Variants in ATE1 observed in about 807,000 individuals in gnomAD.
ATE1 encodes arginyltransferase 1, also known as arginyl-tRNA--protein transferase 1.
ATE1 carries 36 observed loss-of-function variants against 70.5 expected under a neutral mutation model. The ratio of observed to expected loss-of-function variants is 0.51; its 90% CI spans 0.39 to 0.67. The LOEUF is 0.67. Among genes scored for constraint, ATE1 ranks in the 30% least tolerant of loss-of-function variants. ATE1 has a pLI of 0.00. For synonymous variants in ATE1, 232 were observed against 219.3 expected (o/e 1.06, Z -0.51); for missense variants, 593 against 629.5 (o/e 0.94, Z 0.62).
intron 10 of ATE1, among the ~76,000 whole-genome samples, chr10:121,798,198 A>C (rs1946734265): frequency 1.3e-5 from 2 of 152,226 alleles, no homozygotes; most frequent in South Asian, 4.1e-4. Context: ...AATAGTTCTC[A>C]ACCTTTGGGA....
chr10:121,756,208 C>T (rs1944793876), intron 11 of ATE1, among the ~76,000 whole-genome samples: 1 of 152,226 alleles, frequency 6.6e-6, no homozygotes, highest in Non-Finnish European at 1.5e-5. Flanking sequence ...AAATGATCTC[C>T]TTTGACTCCA....
At chr10:121,908,768 G>T (rs186997900) in intron 5 of ATE1, among the ~76,000 whole-genome samples, 2 of 152,256 alleles carry the variant, frequency 1.3e-5, no homozygotes, top group African/African-American at 4.8e-5. Context: ...ACTCAAATCT[G>T]ATTAAGACTT....
At chr10:121,803,181 CA>C (rs1946961639) in intron 10 of ATE1, among the ~76,000 whole-genome samples, 1 of 152,156 alleles carries the variant, frequency 6.6e-6, no homozygotes, top group Admixed American at 6.5e-5. Context: ...GGGAGTACAT[CA>C]ATTTCTTTAC....
intron 7 of ATE1, among the ~76,000 whole-genome samples, chr10:121,871,517 C>G (rs1180743184): frequency 6.6e-6 from 1 of 152,004 alleles, no homozygotes; most frequent in Non-Finnish European, 1.5e-5. Flanking sequence ...TGAGTGAGGA[C>G]AAGAGATTAG....
chr10:121,754,406 AC>A (rs1376686511), intron 11 of ATE1, among the ~76,000 whole-genome samples: 2 of 152,220 alleles, frequency 1.3e-5, no homozygotes, highest in African/African-American at 4.8e-5. Flanking sequence ...TCAAAAGAAA[AC>A]ATGAGTCACC....
At chr10:121,892,560 G>T (rs926073401) in intron 7 of ATE1, among the ~76,000 whole-genome samples, 1 of 149,148 alleles carries the variant, frequency 6.7e-6, no homozygotes, top group Admixed American at 6.8e-5. Context: ...AGGTTGGAGC[G>T]CAATGGCACC....
At chr10:121,876,837 G>A (rs1950067513) in intron 7 of ATE1, among the ~76,000 whole-genome samples, 1 of 151,964 alleles carries the variant, frequency 6.6e-6, no homozygotes, top group Non-Finnish European at 1.5e-5. Flanking sequence ...GTGGTGGCGG[G>A]CGCCTGTAGT....
At chr10:121,797,937 T>C (rs1946725064) in intron 10 of ATE1, among the ~76,000 whole-genome samples, 1 of 152,216 alleles carries the variant, frequency 6.6e-6, no homozygotes, top group Non-Finnish European at 1.5e-5. Flanking sequence ...AAACTACTTG[T>C]TAGAATGTAG....
intron 11 of ATE1, among the ~76,000 whole-genome samples, chr10:121,758,553 T>C (rs1944901867): frequency 6.6e-6 from 1 of 152,242 alleles, no homozygotes. Flanking sequence ...TAGTATTGGC[T>C]TTCTGTGGAG....
intron 10 of ATE1, among the ~76,000 whole-genome samples, chr10:121,804,392 AAAC>A (rs1461065733): frequency 6.6e-6 from 1 of 152,186 alleles, no homozygotes; most frequent in Non-Finnish European, 1.5e-5. Context: ...AATCATCACC[AAAC>A]AATAACAATT....
intron 7 of ATE1, among the ~76,000 whole-genome samples, chr10:121,896,717 A>C (rs963425774): frequency 6.6e-6 from 1 of 151,428 alleles, no homozygotes; most frequent in African/African-American, 2.4e-5. Flanking sequence ...TCTGAGGCAG[A>C]AGAACTGCTT....
Position 121,743,566 on chromosome 10 carries a change from ATAAAAAATGTCTAATT to A in ATE1, c.*98_*113del. 1 of 1,383,598 alleles carries A rather than the reference ATAAAAAATGTCTAATT, an allele frequency of 7.2e-7. No individual in the cohort carries two copies. The highest frequency in any genetic ancestry group is 9.3e-7 in the Non-Finnish European group (1 of 1,071,838). The allele number at this position is 1,383,598 out of a possible 1,614,324, so 85.7% of individuals were successfully genotyped here. The stretch of plus-strand genomic sequence containing the variant: ...TTTTTAAAAGCCATAGATAGTCAAA[ATAAAAAATGTCTAATT>A]TGTGGGTGGTGACAGTTATTTCCCC... On this transcript the variant is annotated 3_prime_UTR_variant, in exon 12 of 12. Coordinates refer to ENST00000224652, the MANE Select transcript of ATE1 (RefSeq NM_001001976.3).
At chr10:121,750,180 C>T (rs910849962) in intron 11 of ATE1, among the ~76,000 whole-genome samples, 2 of 152,154 alleles carry the variant, frequency 1.3e-5, no homozygotes, top group African/African-American at 4.8e-5. Flanking sequence ...TAATAAATGT[C>T]ATCAGTGTAG....
rs1564947044 is a variant in ATE1 at position 121,903,118 on chromosome 10, T to TTGGACAGACTGGTCTCAAACTCCC, written c.584-499_584-498insGGGAGTTTGAGACCAGTCTGTCCA. Among the ~76,000 whole-genome samples, 289 of 132,298 alleles carry TTGGACAGACTGGTCTCAAACTCCC rather than the reference T, an allele frequency of 2.2e-3. 3 individuals are homozygous for TTGGACAGACTGGTCTCAAACTCCC. In the Middle Eastern group the frequency reaches 0.023, roughly 10 times the overall value. The allele number at this position is 132,298 out of a possible 152,430, so 86.8% of individuals were successfully genotyped here. A position where few individuals can be genotyped will look rare whatever the true frequency, so the allele number is the denominator to read the frequency against. ...CTTGGACAGACTGGTCTCAAACTCC[T>TTGGACAGACTGGTCTCAAACTCCC]GACCTCGTGATTCACCCACCTTGGC... On this transcript the variant is annotated intron_variant, in intron 5 of 11. Coordinates refer to ENST00000224652, the MANE Select transcript of ATE1 (RefSeq NM_001001976.3).
Position 121,893,289 on chromosome 10 carries a change from A to C in ATE1, c.942+6577T>G, listed in dbSNP as rs551989787. ...GAGACTTAGTCTCAAAAAAAAAAAA[A>C]AAAACAAAATTGTAAAAACGTTATG... On this transcript the variant is annotated intron_variant, in intron 7 of 11. Coordinates refer to ENST00000224652, the MANE Select transcript of ATE1 (RefSeq NM_001001976.3). Among the ~76,000 whole-genome samples the C allele has an allele frequency of 1.5e-4, 22 of 150,992 alleles. No homozygotes were observed. In the South Asian group the frequency reaches 4.3e-3, roughly 29 times the overall value.
At chr10:121,846,985 C>T (rs1056047901) in intron 8 of ATE1, among the ~76,000 whole-genome samples, 1 of 152,150 alleles carries the variant, frequency 6.6e-6, no homozygotes, top group East Asian at 1.9e-4. Flanking sequence ...CACCAATATT[C>T]TGTCTAACAT....
intron 10 of ATE1, among the ~76,000 whole-genome samples, chr10:121,809,803 G>A (rs796800204): frequency 3.9e-5 from 6 of 151,992 alleles, no homozygotes; most frequent in African/African-American, 1.4e-4. Flanking sequence ...GCAAACAGAA[G>A]AAGGGCTGGT....
At chr10:121,886,410 C>T (rs11200218) in intron 7 of ATE1, among the ~76,000 whole-genome samples, 20,037 of 151,988 alleles carry the variant, frequency 0.13, 1,516 homozygotes, top group East Asian at 0.19. Context: ...ACATCTCACA[C>T]GTGTGCACGT....
chr10:121,772,258 C>G (rs1046668789), intron 11 of ATE1, among the ~76,000 whole-genome samples: 1 of 152,196 alleles, frequency 6.6e-6, no homozygotes, highest in Non-Finnish European at 1.5e-5. Context: ...GCCAACTACC[C>G]GCTTTTATCA....
Sources: allele counts gnomAD v4.1 joint callset (sites outside exome capture counted in the v4.1 genomes callset), GRCh38; gene constraint gnomAD v4.1.1; transcripts MANE v1.5; gene names NCBI Gene and HGNC (gene_info 2026-07-23, HGNC 2026-07-21).